The following FOCAD variants were observed in gnomAD, a reference collection of about 807,000 sequenced individuals.
FOCAD encodes focadhesin, also known as KIAA1797.
FOCAD carries 198 observed loss-of-function variants against 225.6 expected under a neutral mutation model. That is an observed-to-expected ratio of 0.88 (90% CI 0.78 to 0.99). The LOEUF (loss-of-function observed/expected upper bound fraction) is 0.99, where lower values mean the gene tolerates loss of function less well. Ranked by LOEUF, FOCAD falls within the 50% of genes least tolerant of loss-of-function variation. FOCAD has a pLI of 0.00. For synonymous variants in FOCAD, 897 were observed against 755.0 expected (o/e 1.19, Z -3.08); for missense variants, 2,713 against 2,123.6 (o/e 1.28, Z -5.46).
At chr9:20,885,000 A>C (rs889861244) in intron 20 of FOCAD, 109 bp from the exon 21 acceptor site, 2 of 516,062 alleles carry the variant, frequency 3.9e-6, no homozygotes, top group Non-Finnish European at 5.3e-6. Flanking sequence ...CGGAGGTTGC[A>C]GTGAGCTGAG....
intron 9 of FOCAD, among the ~76,000 whole-genome samples, chr9:20,781,100 C>G (rs887229036): frequency 2.0e-5 from 3 of 152,158 alleles, no homozygotes; most frequent in Admixed American, 2.0e-4. Flanking sequence ...ATATTTATGC[C>G]TTAACTCATT....
chr9:20,734,466 T>G (rs1436439866), intron 4 of FOCAD, among the ~76,000 whole-genome samples: 2 of 152,180 alleles, frequency 1.3e-5, no homozygotes, highest in Non-Finnish European at 2.9e-5. Context: ...AAACTTGCAT[T>G]TTTCCACATA....
At chr9:20,843,379 T>C (rs1204832674) in intron 15 of FOCAD, among the ~76,000 whole-genome samples, 1 of 152,124 alleles carries the variant, frequency 6.6e-6, no homozygotes, top group Non-Finnish European at 1.5e-5. Flanking sequence ...GAATATACTG[T>C]TCAAGGATAG....
chr9:20,908,060 TAA>T (rs1833132607), intron 22 of FOCAD, among the ~76,000 whole-genome samples: 1 of 152,142 alleles, frequency 6.6e-6, no homozygotes, highest in South Asian at 2.1e-4. Flanking sequence ...AATAATATTA[TAA>T]GTTATAGTTT....
intron 16 of FOCAD, 39 bp downstream of exon 16, chr9:20,862,751 T>C: frequency 6.3e-7 from 1 of 1,587,288 alleles, no homozygotes; most frequent in Non-Finnish European, 8.6e-7. Flanking sequence ...TGCTTCTTCA[T>C]GGGAAAGATG....
intron 31 of FOCAD, 111 bp from the exon 32 acceptor site, chr9:20,948,740 A>C: frequency 5.2e-6 from 6 of 1,154,436 alleles, no homozygotes; most frequent in Non-Finnish European, 7.6e-6. Flanking sequence ...CGTTGACCCT[A>C]TAAGTTTGGT....
At chr9:20,656,131 G>T (rs1411123155), upstream of FOCAD, among the ~76,000 whole-genome samples, 1 of 149,566 alleles carries the variant, frequency 6.7e-6, no homozygotes, top group Non-Finnish European at 1.5e-5. Context: ...ATTGCACTGT[G>T]GTCTGAGAGA....
chr9:20,772,997 A>G (rs1818390573), intron 8 of FOCAD, among the ~76,000 whole-genome samples: 1 of 151,406 alleles, frequency 6.6e-6, no homozygotes, highest in Admixed American at 6.6e-5. Flanking sequence ...TAGATGTTTT[A>G]TAGATAAATA....
At chr9:20,984,412 T>C (rs1230763158) in intron 39 of FOCAD, among the ~76,000 whole-genome samples, 3 of 152,146 alleles carry the variant, frequency 2.0e-5, no homozygotes, top group Non-Finnish European at 4.4e-5. Context: ...ATTATAAGGG[T>C]CATATCTGTT....
chr9:20,761,605 A>G (rs535321189), intron 6 of FOCAD, among the ~76,000 whole-genome samples: 1 of 152,112 alleles, frequency 6.6e-6, no homozygotes, highest in Admixed American at 6.5e-5. Context: ...TATTTTTAGT[A>G]GAGATGAGGT....
intron 27 of FOCAD, 129 bp downstream of exon 27, chr9:20,929,725 C>A: frequency 1.5e-6 from 1 of 678,864 alleles, no homozygotes; most frequent in Non-Finnish European, 2.5e-6. Flanking sequence ...CTGAGATGGG[C>A]AAGTTGATCC....
At chr9:20,703,792 C>T (rs543720366) in intron 1 of FOCAD, among the ~76,000 whole-genome samples, 1 of 152,150 alleles carries the variant, frequency 6.6e-6, no homozygotes, top group Non-Finnish European at 1.5e-5. Context: ...ACAGTGCCTG[C>T]TATGTGCAAG....
rs186636695 is a variant in FOCAD, at chr9:20,691,464, T to A, written c.-33+7171T>A. ...TTTAAATATTAGCATTATTATTATTTATTAATTAATTAATTTTATTTTATT... is the reference window on the plus strand; with the variant it reads ...TTTAAATATTAGCATTATTATTATTAATTAATTAATTAATTTTATTTTATT... On this transcript the variant is annotated intron_variant, in intron 1 of 43. Transcript: ENST00000338382. 2.4e-3 allele frequency among the ~76,000 whole-genome samples: 363 copies of A among 151,750 alleles called. 2 individuals are homozygous for A. Among genetic ancestry groups the A allele is most frequent in the African/African-American group, 7.7e-3 (321 of 41,438 alleles).
intron 8 of FOCAD, among the ~76,000 whole-genome samples, chr9:20,773,856 G>T (rs550747494): frequency 6.6e-6 from 1 of 152,088 alleles, no homozygotes; most frequent in Non-Finnish European, 1.5e-5. Flanking sequence ...GATTGCAACC[G>T]TATGGTGCCC....
intron 2 of FOCAD, among the ~76,000 whole-genome samples, chr9:20,668,900 T>G (rs1821975522): frequency 1.3e-5 from 2 of 151,374 alleles, no homozygotes; most frequent in African/African-American, 4.8e-5. Context: ...TCCCAGGCTG[T>G]GTGGCACGCT....
chr9:20,894,836 C>G (rs1244022893), intron 21 of FOCAD, among the ~76,000 whole-genome samples: 1 of 151,956 alleles, frequency 6.6e-6, no homozygotes, highest in Admixed American at 6.6e-5. Context: ...TTAATGAAGT[C>G]CAGCATATCC....
intron 11 of FOCAD, among the ~76,000 whole-genome samples, chr9:20,802,563 A>T (rs1821962220): frequency 1.3e-5 from 2 of 152,140 alleles, no homozygotes; most frequent in African/African-American, 2.4e-5. Flanking sequence ...TGTGTTGTTG[A>T]CTCAATTAAC....
chr9:20,957,192 T>C (rs1838235240), intron 35 of FOCAD, among the ~76,000 whole-genome samples: 1 of 152,090 alleles, frequency 6.6e-6, no homozygotes, highest in South Asian at 2.1e-4. Context: ...GCCCCCCAGG[T>C]AGCTAGGAGT....
intron 5 of FOCAD, among the ~76,000 whole-genome samples, chr9:20,749,257 T>C (rs1188172483): frequency 6.6e-6 from 1 of 152,170 alleles, no homozygotes; most frequent in Non-Finnish European, 1.5e-5. Context: ...GAAAGGAATC[T>C]TATGCTGTCT....
Sources: gnomAD v4.1 joint callset for allele counts (sites outside exome capture counted in the v4.1 genomes callset) on GRCh38, gnomAD v4.1.1 for gene constraint, MANE v1.5 for transcripts, NCBI Gene and HGNC (gene_info 2026-07-23, HGNC 2026-07-21) for gene names.